The following LRRC49 variants were observed in gnomAD, a reference collection of about 807,000 sequenced individuals.
LRRC49 encodes the protein leucine-rich repeat-containing protein 49.
In LRRC49, 50 loss-of-function variants were observed where a neutral mutation model predicts 83.3. The observed-to-expected ratio is 0.60, with a 90% CI of 0.48 to 0.76. The LOEUF (loss-of-function observed/expected upper bound fraction) is 0.76. Among genes scored for constraint, LRRC49 ranks in the 30% least tolerant of loss-of-function variants. The pLI is 0.00. For missense variants in LRRC49, 704 were observed against 809.1 expected, an observed-to-expected ratio of 0.87 and a Z score of 1.58; for synonymous variants, 286 against 283.3, an observed-to-expected ratio of 1.01 and a Z score of -0.10.
At chr15:70,938,227 G>T in intron 8 of LRRC49, among the ~76,000 whole-genome samples, 1 of 152,042 alleles carries the variant, frequency 6.6e-6, no homozygotes, top group Non-Finnish European at 1.5e-5. Context: ...TAGGAAGTTG[G>T]TTTTGGTTGC....
rs934513219 is a variant in LRRC49 at position 70,936,702 on chromosome 15, G to A, written c.712-59G>A. ...ATATATTTCAATAGCTTAGCAAGAA[G>A]ACATTTATAATATTTTTTTCTTTCA... On this transcript the variant is annotated intron_variant, in intron 7 of 15. Transcript: ENST00000260382. The A allele has an allele frequency of 5.1e-6, 5 of 983,744 alleles. No individual in the cohort carries two copies. In the African/African-American group the frequency reaches 6.4e-5, roughly 13 times the overall value. 60.9% of individuals were successfully genotyped at this position (983,744 alleles called of 1,614,324 possible). A position where few individuals can be genotyped will look rare whatever the true frequency, so the allele number is the denominator to read the frequency against.
At chr15:70,893,223 T>A in intron 1 of LRRC49, 1 of 571,908 alleles carries the variant, frequency 1.7e-6, no homozygotes, top group Non-Finnish European at 3.1e-6. Context: ...AGTCAATTCC[T>A]TTTTCTTTTC....
At chr15:70,968,321 C>CT (rs573668732) in intron 9 of LRRC49, among the ~76,000 whole-genome samples, 161 of 152,200 alleles carry the variant, frequency 1.1e-3, no homozygotes, top group African/African-American at 3.7e-3. Flanking sequence ...TGAACTCATT[C>CT]TTTTTTATGG....
intron 2 of LRRC49, among the ~76,000 whole-genome samples, chr15:70,875,628 C>T (rs1348248792): frequency 6.6e-6 from 1 of 152,336 alleles, no homozygotes; most frequent in Middle Eastern, 3.4e-3. Flanking sequence ...TTATGGAACA[C>T]TTACCATGTG....
rs1018233461 is a variant in LRRC49 at position 71,052,864 on chromosome 15, T to C, written c.*3252T>C. The stretch of plus-strand genomic sequence containing the variant: ...CATCTGGGAAGAATTTTGATGTCCA[T>C]GGTCGTTCCTAATCCACTTTCATGT... On this transcript the variant is annotated 3_prime_UTR_variant, in exon 16 of 16. Coordinates refer to ENST00000260382, the MANE Select transcript of LRRC49 (RefSeq NM_017691.5). 2.6e-5 allele frequency: 4 copies of C among 152,224 alleles called. No individual in the cohort carries two copies. In the East Asian group the frequency reaches 7.7e-4, roughly 29 times the overall value. The allele number at this position is 152,224 out of a possible 1,614,324, so 9.4% of individuals were successfully genotyped here.
At chr15:71,032,922 G>T (rs945821311) in intron 14 of LRRC49, among the ~76,000 whole-genome samples, 2 of 152,138 alleles carry the variant, frequency 1.3e-5, no homozygotes, top group Non-Finnish European at 2.9e-5. Context: ...ATGGTCAAAA[G>T]CTGGAAGTAT....
At chr15:70,887,925 T>C (rs1470974164), upstream of LRRC49, among the ~76,000 whole-genome samples, 4 of 152,172 alleles carry the variant, frequency 2.6e-5, no homozygotes, top group Non-Finnish European at 1.5e-5. Flanking sequence ...TTATAGATTA[T>C]AAAATTTAAA....
chr15:70,887,323 CTG>C (rs2033436474), intron 2 of LRRC49, among the ~76,000 whole-genome samples: 2 of 152,052 alleles, frequency 1.3e-5, no homozygotes, highest in African/African-American at 4.8e-5. Context: ...AAGAAAAAAA[CTG>C]TAGAACAGTT....
At chr15:70,864,380 G>A (rs1265040482) in intron 1 of LRRC49, among the ~76,000 whole-genome samples, 1 of 151,942 alleles carries the variant, frequency 6.6e-6, no homozygotes. Context: ...TGGGCACCAG[G>A]ATGGATGAGG....
chr15:70,968,351 G>T (rs1414607796), intron 9 of LRRC49, among the ~76,000 whole-genome samples: 1 of 152,142 alleles, frequency 6.6e-6, no homozygotes, highest in Non-Finnish European at 1.5e-5. Flanking sequence ...ATTCCATGGT[G>T]TATACGTGCC....
intron 10 of LRRC49, 59 bp downstream of exon 10, chr15:70,980,243 G>A: frequency 8.2e-7 from 1 of 1,222,458 alleles, no homozygotes; most frequent in Non-Finnish European, 1.2e-6. Flanking sequence ...ATACCCCAAA[G>A]CCAGCTAGCT....
chr15:70,883,029 G>A, intron 2 of LRRC49: 1 of 922,628 alleles, frequency 1.1e-6, no homozygotes, highest in Non-Finnish European at 1.6e-6. Flanking sequence ...TAGTAAGGCT[G>A]ATATTTGAAC....
chr15:70,978,108 T>C (rs2141218470), intron 9 of LRRC49, among the ~76,000 whole-genome samples: 1 of 152,310 alleles, frequency 6.6e-6, no homozygotes, highest in South Asian at 2.1e-4. Context: ...TAGAACACAT[T>C]TTCATAGTCT....
chr15:70,889,367 C>G (rs564683477), upstream of LRRC49, among the ~76,000 whole-genome samples: 4 of 151,376 alleles, frequency 2.6e-5, no homozygotes, highest in African/African-American at 7.3e-5. Context: ...ATCCCCCCCC[C>G]AAAAAAAAGC....
intron 14 of LRRC49, among the ~76,000 whole-genome samples, chr15:71,029,580 A>G (rs2039283758): frequency 6.6e-6 from 1 of 151,992 alleles, no homozygotes; most frequent in Non-Finnish European, 1.5e-5. Flanking sequence ...ATCCTTGTTA[A>G]TTTTGTGTCT....
At chr15:70,910,325 TATG>T (rs2034498943) in intron 5 of LRRC49, among the ~76,000 whole-genome samples, 1 of 152,142 alleles carries the variant, frequency 6.6e-6, no homozygotes, top group South Asian at 2.1e-4. Flanking sequence ...AAGTCTGCAT[TATG>T]TTTACATGGT....
intron 8 of LRRC49, among the ~76,000 whole-genome samples, chr15:70,961,940 G>A (rs572209045): frequency 2.6e-5 from 4 of 152,262 alleles, no homozygotes; most frequent in South Asian, 2.1e-4. Flanking sequence ...AATGCAGACC[G>A]ACAAGAGAAT....
intron 14 of LRRC49, among the ~76,000 whole-genome samples, chr15:71,027,738 G>T (rs188606579): frequency 6.6e-6 from 1 of 152,202 alleles, no homozygotes; most frequent in African/African-American, 2.4e-5. Flanking sequence ...ATTTGGCTCT[G>T]TGCTTGTCTG....
At chr15:70,943,488 G>A (rs956944826) in intron 8 of LRRC49, among the ~76,000 whole-genome samples, 4 of 152,140 alleles carry the variant, frequency 2.6e-5, no homozygotes, top group East Asian at 1.9e-4. Flanking sequence ...AGTTTTATAC[G>A]TTGGCATACT....
Sources: allele counts gnomAD v4.1 joint callset (sites outside exome capture counted in the v4.1 genomes callset), GRCh38; gene constraint gnomAD v4.1.1; transcripts MANE v1.5; gene names NCBI Gene and HGNC (gene_info 2026-07-23, HGNC 2026-07-21).